The following SKAP1 variants were observed in gnomAD, a reference collection of about 807,000 sequenced individuals.
SKAP1 encodes the protein src kinase-associated phosphoprotein 1.
Under a neutral mutation model 58.5 loss-of-function variants are expected in SKAP1, and 44 were observed. The observed-to-expected ratio is 0.75, with a 90% CI of 0.59 to 0.97. The LOEUF is 0.97. Ranked by LOEUF, SKAP1 falls within the 50% of genes least tolerant of loss-of-function variation. The pLI, the probability that SKAP1 is intolerant of heterozygous loss-of-function variation, is 0.00. For synonymous variants in SKAP1, 127 were observed against 149.7 expected (o/e 0.85, Z 1.11); for missense variants, 390 against 435.2 (o/e 0.90, Z 0.92).
At chr17:48,311,069 C>A (rs1468382855) in intron 4 of SKAP1, among the ~76,000 whole-genome samples, 2 of 152,136 alleles carry the variant, frequency 1.3e-5, no homozygotes, top group East Asian at 3.9e-4. Flanking sequence ...TGCATGTGCA[C>A]GGTCAGGTCA....
At chr17:48,144,737 A>C (rs2063807952) in intron 11 of SKAP1, among the ~76,000 whole-genome samples, 1 of 152,150 alleles carries the variant, frequency 6.6e-6, no homozygotes, top group African/African-American at 2.4e-5. Context: ...CTTGAGTTTT[A>C]GTTTTAGGAT....
At chr17:48,404,781 A>G (rs1423898243) in intron 1 of SKAP1, among the ~76,000 whole-genome samples, 1 of 152,132 alleles carries the variant, frequency 6.6e-6, no homozygotes, top group African/African-American at 2.4e-5. Context: ...CTTCTGTATT[A>G]AAAGCAAAAA....
intron 4 of SKAP1, among the ~76,000 whole-genome samples, chr17:48,248,483 C>T (rs561477845): frequency 1.6e-4 from 25 of 152,250 alleles, no homozygotes; most frequent in African/African-American, 4.6e-4. Flanking sequence ...AGAAGAATCG[C>T]GCGAACCCAG....
intron 11 of SKAP1, among the ~76,000 whole-genome samples, chr17:48,157,421 G>T (rs2063993600): frequency 6.6e-6 from 1 of 151,936 alleles, no homozygotes; most frequent in Non-Finnish European, 1.5e-5. Flanking sequence ...TTTTAGTAGA[G>T]ACGGGGTTTC....
chr17:48,362,158 C>A (rs921276917), intron 3 of SKAP1, among the ~76,000 whole-genome samples: 1 of 152,232 alleles, frequency 6.6e-6, no homozygotes, highest in Non-Finnish European at 1.5e-5. Flanking sequence ...GTCTCCTTGG[C>A]TGCTCTACCT....
intron 4 of SKAP1, among the ~76,000 whole-genome samples, chr17:48,341,237 C>T (rs981883538): frequency 3.3e-5 from 5 of 152,168 alleles, no homozygotes; most frequent in Non-Finnish European, 7.4e-5. Flanking sequence ...ATGATACTAA[C>T]TTTGGCACCA....
intron 4 of SKAP1, among the ~76,000 whole-genome samples, chr17:48,238,911 G>C (rs1206416619): frequency 1.3e-5 from 2 of 152,116 alleles, no homozygotes; most frequent in South Asian, 4.1e-4. Context: ...CAAAATAATG[G>C]TTATAAAGTA....
At position 48,182,430 on chromosome 17, in the gene SKAP1, T is replaced by C. The variant is rs944254274; in HGVS notation, c.595A>G (p.Arg199Gly). 3 of 1,610,374 alleles carry C rather than the reference T, an allele frequency of 1.9e-6. No individual in the cohort carries two copies. Among genetic ancestry groups the C allele is most frequent in the Non-Finnish European group, 1.7e-6 (2 of 1,177,890 alleles). The part of the protein sequence containing the change: ...EFTATSPAEA[R>G]DWVDQISFLL... ...AAACTTATTTGATCCACCCAGTCTC[T>C]GGCTTCTGCTGGACTAGTAGCTGTA... Residue 199 changes from arginine (R) to glycine (G), a missense_variant, in exon 8 of 13, where the codon AGA becomes GGA. Transcript: ENST00000336915.
At chr17:48,206,588 A>G (rs895294488) in intron 4 of SKAP1, among the ~76,000 whole-genome samples, 1 of 152,114 alleles carries the variant, frequency 6.6e-6, no homozygotes, top group African/African-American at 2.4e-5. Context: ...AAACATGAAG[A>G]ATGGGGAATT....
At chr17:48,159,602 A>G (rs2064040146) in intron 11 of SKAP1, among the ~76,000 whole-genome samples, 1 of 152,218 alleles carries the variant, frequency 6.6e-6, no homozygotes, top group Non-Finnish European at 1.5e-5. Flanking sequence ...AAGGCAGCTG[A>G]GGCTAAAGTG....
At chr17:48,299,611 C>T (rs62064978) in intron 4 of SKAP1, among the ~76,000 whole-genome samples, 3,406 of 152,196 alleles carry the variant, frequency 0.022, 63 homozygotes, top group Non-Finnish European at 0.035. Flanking sequence ...ATCATACAAT[C>T]ACATTTTAGG....
intron 4 of SKAP1, chr17:48,193,597 T>G: frequency 5.5e-6 from 4 of 727,778 alleles, no homozygotes; most frequent in Non-Finnish European, 6.7e-6. Flanking sequence ...AGCTCCATGA[T>G]CTATCTGACA....
intron 4 of SKAP1, among the ~76,000 whole-genome samples, chr17:48,208,382 G>A (rs956742297): frequency 2.0e-5 from 3 of 152,148 alleles, no homozygotes; most frequent in African/African-American, 7.2e-5. Context: ...CCTTTACATT[G>A]TCTAACGACT....
At chr17:48,138,678 CT>C (rs2063732453) in intron 11 of SKAP1, among the ~76,000 whole-genome samples, 1 of 151,104 alleles carries the variant, frequency 6.6e-6, no homozygotes, top group African/African-American at 2.4e-5. Flanking sequence ...CCACAACTGG[CT>C]AATTTTTTAT....
Position 48,430,208 on chromosome 17 carries a change from C to G in SKAP1, c.-88G>C. 1.8e-6 allele frequency: 2 copies of G among 1,094,752 alleles called. No homozygotes were observed. Among genetic ancestry groups the G allele is most frequent in the Non-Finnish European group, 2.3e-6 (2 of 858,058 alleles). The allele number at this position is 1,094,752 out of a possible 1,614,324, so 67.8% of individuals were successfully genotyped here. On this transcript the variant is annotated 5_prime_UTR_variant, in exon 1 of 13. Coordinates refer to ENST00000336915, the MANE Select transcript of SKAP1 (RefSeq NM_003726.4). ...AAGGCGACCCGGCTGCACCGCGAGG[C>G]ACCTGTACCTCAGCCGCGGTCGCCG... is the stretch of plus-strand genomic sequence containing the variant.
chr17:48,185,890 T>C (rs2064444864), intron 6 of SKAP1: 1 of 152,198 alleles, frequency 6.6e-6, no homozygotes, highest in South Asian at 2.1e-4. Flanking sequence ...GTATCTCTCC[T>C]TGTTCTAACT....
intron 4 of SKAP1, among the ~76,000 whole-genome samples, chr17:48,295,105 G>A (rs907612840): frequency 7.2e-5 from 11 of 152,132 alleles, no homozygotes; most frequent in Non-Finnish European, 1.5e-4. Context: ...CTAAAACAGA[G>A]AATGAAACAA....
At chr17:48,177,413 T>C (rs1428731632) in intron 9 of SKAP1, among the ~76,000 whole-genome samples, 1 of 152,196 alleles carries the variant, frequency 6.6e-6, no homozygotes, top group Non-Finnish European at 1.5e-5. Context: ...AGCACATCCA[T>C]CTGAGACAGC....
intron 4 of SKAP1, among the ~76,000 whole-genome samples, chr17:48,317,466 C>G (rs761248292): frequency 6.6e-6 from 1 of 152,116 alleles, no homozygotes; most frequent in Non-Finnish European, 1.5e-5. Flanking sequence ...AATGAAAGTG[C>G]TCAAAGGTTT....
Sources: gnomAD v4.1 joint callset for allele counts (sites outside exome capture counted in the v4.1 genomes callset) on GRCh38, gnomAD v4.1.1 for gene constraint, MANE v1.5 for transcripts, NCBI Gene and HGNC (gene_info 2026-07-23, HGNC 2026-07-21) for gene names.